The following INSC variants were observed in gnomAD, a reference collection of about 807,000 sequenced individuals.
INSC encodes INSC spindle orientation adaptor protein, also known as protein inscuteable homolog.
A neutral mutation model predicts 58.6 loss-of-function variants in INSC; 67 were observed. The observed-to-expected ratio is 1.14, with a 90% confidence interval of 0.94 to 1.40. The LOEUF (loss-of-function observed/expected upper bound fraction) is 1.40, where lower values mean the gene tolerates loss of function less well. Among genes scored for constraint, INSC ranks in the 40% most tolerant of loss-of-function variants. The pLI is 0.00. For missense variants in INSC, 714 were observed against 692.0 expected (o/e 1.03, Z -0.36); for synonymous variants, 262 against 276.1 (o/e 0.95, Z 0.51).
At chr11:15,169,864 C>T (rs927337158) in intron 2 of INSC, among the ~76,000 whole-genome samples, 1 of 152,258 alleles carries the variant, frequency 6.6e-6, no homozygotes, top group Middle Eastern at 3.4e-3. Flanking sequence ...CTTATATTAC[C>T]ATGGCACATT....
intron 7 of INSC, among the ~76,000 whole-genome samples, chr11:15,219,035 G>A (rs559325355): frequency 6.6e-6 from 1 of 152,306 alleles, no homozygotes; most frequent in Non-Finnish European, 1.5e-5. Flanking sequence ...AGGGGGACAG[G>A]GGAGCAGACA....
At chr11:15,235,758 T>C (rs1590008538) in intron 10 of INSC, 90 bp downstream of exon 10, 1 of 1,089,142 alleles carries the variant, frequency 9.2e-7, no homozygotes, top group Non-Finnish European at 1.4e-6. Context: ...TGTGCAGGTA[T>C]GTAAATAGGT....
intron 1 of INSC, among the ~76,000 whole-genome samples, chr11:15,129,185 G>A (rs902114911): frequency 3.3e-5 from 5 of 152,130 alleles, no homozygotes; most frequent in Admixed American, 1.3e-4. Flanking sequence ...GTGTGTGAGA[G>A]CTCTGAATAG....
At chr11:15,115,583 A>G (rs73412780) in intron 1 of INSC, among the ~76,000 whole-genome samples, 7,659 of 152,238 alleles carry the variant, frequency 0.05, 407 homozygotes, top group African/African-American at 0.13. Flanking sequence ...GGCTCTGACT[A>G]ACCCCATCTG....
At chr11:15,173,113 G>C (rs1849455655) in intron 2 of INSC, among the ~76,000 whole-genome samples, 1 of 152,180 alleles carries the variant, frequency 6.6e-6, no homozygotes, top group African/African-American at 2.4e-5. Flanking sequence ...AACAAAAAGT[G>C]AATGCCCAGG....
At chr11:15,199,484 C>T (rs961959497) in intron 6 of INSC, among the ~76,000 whole-genome samples, 3 of 152,158 alleles carry the variant, frequency 2.0e-5, no homozygotes, top group African/African-American at 4.8e-5. Context: ...TTGGTGAACC[C>T]GTGCTGGGCT....
chr11:15,149,963 A>G (rs543033994), intron 2 of INSC, among the ~76,000 whole-genome samples: 2 of 152,372 alleles, frequency 1.3e-5, no homozygotes, highest in Admixed American at 6.5e-5. Context: ...CTTGCACAGC[A>G]AATCAATTGG....
intron 1 of INSC, among the ~76,000 whole-genome samples, chr11:15,122,165 C>T (rs1847889934): frequency 1.3e-5 from 2 of 152,154 alleles, no homozygotes; most frequent in African/African-American, 4.8e-5. Flanking sequence ...CAATACAATA[C>T]ATTGTTACAT....
At chr11:15,263,678 T>C in the INSC span, among the ~76,000 whole-genome samples, 1 of 152,158 alleles carries the variant, frequency 6.6e-6, no homozygotes, top group Non-Finnish European at 1.5e-5. Flanking sequence ...AGGTAGGAAG[T>C]CCAGGTGGGC....
chr11:15,145,751 C>CCTGAGGGCTGTGTCA (rs1449654067), intron 1 of INSC, among the ~76,000 whole-genome samples: 2 of 152,190 alleles, frequency 1.3e-5, no homozygotes, highest in Non-Finnish European at 2.9e-5. Context: ...TGCTTTTCTT[C>CCTGAGGGCTGTGTCA]CTGAGGGCTG....
At position 15,216,142 on chromosome 11, in the gene INSC, A is replaced by G. The variant is rs191203452; in HGVS notation, c.820-5335A>G. Among the ~76,000 whole-genome samples, 36 of 152,236 alleles carry G rather than the reference A, an allele frequency of 2.4e-4. No individual in the cohort carries two copies. The East Asian group carries it at 7.0e-3, about 29-fold the overall frequency. On this transcript the variant is annotated intron_variant, in intron 7 of 12. Transcript: ENST00000379556. ...GCGGGCTGGCAGCAAAACCTGGTAT[A>G]TGCCAGTTGAGATGAATGCAAAGGA...
intron 1 of INSC, among the ~76,000 whole-genome samples, chr11:15,118,081 T>C (rs1379922752): frequency 6.6e-6 from 1 of 152,202 alleles, no homozygotes; most frequent in East Asian, 1.9e-4. Context: ...TCTGTGTCTC[T>C]TGGATCTGAG....
At chr11:15,141,064 C>T (rs1848358941) in intron 1 of INSC, among the ~76,000 whole-genome samples, 1 of 152,140 alleles carries the variant, frequency 6.6e-6, no homozygotes, top group Non-Finnish European at 1.5e-5. Context: ...AAGTGTTTCT[C>T]CCTGTCTGCC....
intron 12 of INSC, among the ~76,000 whole-genome samples, chr11:15,243,127 TG>T (rs1212542687): frequency 6.6e-6 from 1 of 152,192 alleles, no homozygotes; most frequent in African/African-American, 2.4e-5. Context: ...CTGACAGACT[TG>T]CTTCCTCTTT....
At chr11:15,241,815 T>G (rs1005606297) in intron 12 of INSC, among the ~76,000 whole-genome samples, 2 of 152,232 alleles carry the variant, frequency 1.3e-5, no homozygotes, top group African/African-American at 4.8e-5. Flanking sequence ...TATTTGCTTT[T>G]TAGTCAACAC....
chr11:15,175,145 G>A (rs1849528984), intron 2 of INSC, among the ~76,000 whole-genome samples: 1 of 152,156 alleles, frequency 6.6e-6, no homozygotes, highest in Non-Finnish European at 1.5e-5. Context: ...CTCCTTAAGA[G>A]CCTTTAGCAT....
intron 1 of INSC, among the ~76,000 whole-genome samples, chr11:15,123,112 A>AGGTG (rs1847913001): frequency 6.6e-6 from 1 of 152,124 alleles, no homozygotes; most frequent in African/African-American, 2.4e-5. Flanking sequence ...TCCTCTGCTT[A>AGGTG]GAATGCTCGT....
At chr11:15,114,833 C>A, upstream of INSC, 1 of 657,834 alleles carries the variant, frequency 1.5e-6, no homozygotes, top group Non-Finnish European at 1.9e-6. Context: ...GAGGCTGCGA[C>A]CGCCTCGGAG....
In INSC at chr11:15,218,406, C is replaced by T. The variant is rs541022450; in HGVS notation, c.820-3071C>T. ...CATAAAACTCAGAGTAATGGCCCAT[C>T]CAGCAGGAGAAATCAGAGGTATGAG... On this transcript the variant is annotated intron_variant, in intron 7 of 12. Coordinates refer to ENST00000379556, the MANE Select transcript of INSC (RefSeq NM_001042536.3). Among the ~76,000 whole-genome samples, 14 of 152,224 alleles carry T rather than the reference C, an allele frequency of 9.2e-5. No individual in the cohort carries two copies. The South Asian group carries it at 2.9e-3, about 32-fold the overall frequency.
Sources: gnomAD v4.1 joint callset for allele counts (sites outside exome capture counted in the v4.1 genomes callset) on GRCh38, gnomAD v4.1.1 for gene constraint, MANE v1.5 for transcripts, NCBI Gene and HGNC (gene_info 2026-07-23, HGNC 2026-07-21) for gene names.